The following DLG2 variants were observed in gnomAD, a reference collection of about 807,000 sequenced individuals.
The protein encoded by DLG2 is discs large MAGUK scaffold protein 2, also known as disks large homolog 2.
Under a neutral mutation model 132.5 loss-of-function variants are expected in DLG2, and 45 were observed. The ratio of observed to expected loss-of-function variants is 0.34; its 90% confidence interval spans 0.27 to 0.44. DLG2 has a LOEUF of 0.44. DLG2 is among the 20% of genes least tolerant of loss of function. The pLI is 1.00. For missense variants in DLG2, 1,045 were observed against 1,196.9 expected, an observed-to-expected ratio of 0.87 and a Z score of 1.87; for synonymous variants, 424 against 419.6, an observed-to-expected ratio of 1.01 and a Z score of -0.13.
At chr11:83,879,961 T>C (rs1192956272) in intron 15 of DLG2, among the ~76,000 whole-genome samples, 1 of 152,196 alleles carries the variant, frequency 6.6e-6, no homozygotes, top group Admixed American at 6.5e-5. Context: ...ATAAGTATTT[T>C]AAAGGATGGT....
At chr11:84,890,166 G>T (rs2089105155) in intron 6 of DLG2, among the ~76,000 whole-genome samples, 1 of 152,120 alleles carries the variant, frequency 6.6e-6, no homozygotes, top group Admixed American at 6.5e-5. Flanking sequence ...AGGGTATAAA[G>T]GATTGATTGA....
At chr11:85,479,031 C>T (rs1378675583) in intron 3 of DLG2, among the ~76,000 whole-genome samples, 1 of 152,090 alleles carries the variant, frequency 6.6e-6, no homozygotes, top group East Asian at 1.9e-4. Flanking sequence ...CTTAAGCTGA[C>T]TACATGAGAT....
chr11:83,662,564 T>A (rs1000322935), intron 18 of DLG2, among the ~76,000 whole-genome samples: 3 of 152,142 alleles, frequency 2.0e-5, no homozygotes, highest in Non-Finnish European at 4.4e-5. Context: ...ACTCAATGAA[T>A]CTCCAACAAT....
intron 6 of DLG2, among the ~76,000 whole-genome samples, chr11:84,998,747 T>A (rs995751176): frequency 6.7e-6 from 1 of 149,438 alleles, no homozygotes; most frequent in East Asian, 1.9e-4. Context: ...CATAAGCGGA[T>A]TTTTTTTTGT....
intron 15 of DLG2, among the ~76,000 whole-genome samples, chr11:83,927,702 A>C (rs1393561507): frequency 6.6e-6 from 1 of 152,162 alleles, no homozygotes; most frequent in Non-Finnish European, 1.5e-5. Context: ...TATTTTTTAC[A>C]GATCACTTTG....
chr11:84,570,045 G>T (rs144514160), intron 6 of DLG2, among the ~76,000 whole-genome samples: 4 of 152,246 alleles, frequency 2.6e-5, no homozygotes, highest in African/African-American at 9.6e-5. Context: ...TGTTGGAAAG[G>T]ATGAAGTTTC....
chr11:84,765,418 G>T (rs903796290), intron 6 of DLG2, among the ~76,000 whole-genome samples: 11 of 152,030 alleles, frequency 7.2e-5, no homozygotes, highest in Non-Finnish European at 1.3e-4. Flanking sequence ...TGATAGTACT[G>T]ACTCAGCCTC....
chr11:84,823,580 TCCACAC>T (rs2077958960), intron 6 of DLG2, among the ~76,000 whole-genome samples: 2 of 94,576 alleles, frequency 2.1e-5, no homozygotes, highest in South Asian at 4.0e-4. Context: ...TGGTTGTATA[TCCACAC>T]ACACACACAC....
At chr11:84,338,798 T>C (rs1242943988) in intron 7 of DLG2, among the ~76,000 whole-genome samples, 1 of 152,072 alleles carries the variant, frequency 6.6e-6, no homozygotes, top group Non-Finnish European at 1.5e-5. Flanking sequence ...AGAGTGAGAC[T>C]TCATCTCAAA....
chr11:84,747,003 G>C (rs748865290), intron 6 of DLG2, among the ~76,000 whole-genome samples: 30 of 152,130 alleles, frequency 2.0e-4, no homozygotes, highest in Admixed American at 1.0e-3. Context: ...ATCTCCAAAT[G>C]AATCACATGG....
At chr11:85,562,702 T>G (rs773841941) in intron 3 of DLG2, among the ~76,000 whole-genome samples, 2 of 151,676 alleles carry the variant, frequency 1.3e-5, no homozygotes, top group Non-Finnish European at 2.9e-5. Context: ...CAGTAAGTAT[T>G]CCCTAAAGCC....
chr11:84,088,575 T>G (rs1178646509), intron 10 of DLG2, among the ~76,000 whole-genome samples: 1 of 152,166 alleles, frequency 6.6e-6, no homozygotes, highest in African/African-American at 2.4e-5. Flanking sequence ...GTATAGAAAT[T>G]TTCTTGTGTA....
At chr11:85,268,054 C>A (rs1305045077) in intron 4 of DLG2, among the ~76,000 whole-genome samples, 1 of 152,140 alleles carries the variant, frequency 6.6e-6, no homozygotes, top group Admixed American at 6.5e-5. Flanking sequence ...ATGCACTAAG[C>A]ACTTTATTTG....
intron 15 of DLG2, among the ~76,000 whole-genome samples, chr11:83,886,559 G>A (rs907258134): frequency 3.3e-5 from 5 of 152,102 alleles, no homozygotes; most frequent in African/African-American, 1.2e-4. Flanking sequence ...AGTTAAAAAG[G>A]ATACCCAGGA....
intron 9 of DLG2, among the ~76,000 whole-genome samples, chr11:84,162,553 A>G (rs1188316703): frequency 6.6e-6 from 1 of 152,074 alleles, no homozygotes; most frequent in Admixed American, 6.6e-5. Context: ...AATCTTCACT[A>G]TTATAAACCA....
chr11:85,147,131 T>A (rs2076918741), intron 5 of DLG2, among the ~76,000 whole-genome samples: 1 of 152,344 alleles, frequency 6.6e-6, no homozygotes, highest in Non-Finnish European at 1.5e-5. Flanking sequence ...CTTTCCTACC[T>A]TCTTTAGTGT....
rs537184453 is a variant in DLG2, at chr11:85,405,174, C to T, written c.41-119809G>A. Among the ~76,000 whole-genome samples, 601 of 152,052 alleles carry T rather than the reference C, an allele frequency of 4.0e-3. 2 individuals are homozygous for T. The highest frequency in any genetic ancestry group is 5.9e-3 in the Non-Finnish European group (402 of 67,948). On this transcript the variant is annotated intron_variant, in intron 3 of 27. Coordinates refer to ENST00000376104, the MANE Select transcript of DLG2 (RefSeq NM_001142699.3). ...ACTATAGATTTGTGCTCAGTCCCAG[C>T]TCTGCCCCTTGCATGCTAGATTTTA...
chr11:85,492,598 A>G (rs1036314062), intron 3 of DLG2, among the ~76,000 whole-genome samples: 1 of 152,192 alleles, frequency 6.6e-6, no homozygotes. Context: ...TTGGAGAAGT[A>G]CAGAAAATAG....
At chr11:85,194,819 TTTCC>T (rs1044039042) in intron 4 of DLG2, among the ~76,000 whole-genome samples, 2 of 152,212 alleles carry the variant, frequency 1.3e-5, no homozygotes, top group African/African-American at 2.4e-5. Context: ...ATTCAGTTTA[TTTCC>T]TTCATTTATT....
Sources: allele counts gnomAD v4.1 joint callset (sites outside exome capture counted in the v4.1 genomes callset), GRCh38; gene constraint gnomAD v4.1.1; transcripts MANE v1.5; gene names NCBI Gene and HGNC (gene_info 2026-07-23, HGNC 2026-07-21).